Variants in TGS1 observed in about 807,000 individuals in gnomAD.
TGS1 encodes the protein trimethylguanosine synthase.
A neutral mutation model predicts 92.2 loss-of-function variants in TGS1; 69 were observed. The ratio of observed to expected loss-of-function variants is 0.75; its 90% CI spans 0.62 to 0.91. TGS1 has a LOEUF of 0.91. Among genes scored for constraint, TGS1 ranks in the 40% least tolerant of loss-of-function variants. The pLI is 0.00. For missense variants in TGS1, 1,062 were observed against 1,001.2 expected (o/e 1.06, Z -0.82); for synonymous variants, 345 against 338.1 (o/e 1.02, Z -0.22).
intron 9 of TGS1, among the ~76,000 whole-genome samples, chr8:55,804,257 A>G (rs1162239795): frequency 2.0e-5 from 3 of 152,158 alleles, no homozygotes; most frequent in African/African-American, 7.2e-5. Context: ...CCTGGCTAAC[A>G]TGGCAAAACT....
chr8:55,775,809 G>A (rs923106213), intron 1 of TGS1, among the ~76,000 whole-genome samples: 1 of 151,930 alleles, frequency 6.6e-6, no homozygotes, highest in Admixed American at 6.6e-5. Context: ...GGGTGGGGGA[G>A]GGGGACCCAC....
chr8:55,796,847 C>A (rs1454244692), intron 7 of TGS1, among the ~76,000 whole-genome samples: 1 of 150,996 alleles, frequency 6.6e-6, no homozygotes, highest in Non-Finnish European at 1.5e-5. Flanking sequence ...AAAAATTAGC[C>A]AGGCATGATG....
intron 12 of TGS1, among the ~76,000 whole-genome samples, chr8:55,820,057 G>GT (rs1401695052): frequency 1.3e-5 from 2 of 152,106 alleles, no homozygotes; most frequent in Non-Finnish European, 2.9e-5. Flanking sequence ...ACATTTCTGC[G>GT]TATCATAGAT....
intron 12 of TGS1, 57 bp downstream of exon 12, chr8:55,813,175 T>G: frequency 4.1e-6 from 5 of 1,232,624 alleles, no homozygotes; most frequent in Non-Finnish European, 5.9e-6. Flanking sequence ...ACAAGTACGG[T>G]AAAAGATACA....
In TGS1 at chr8:55,786,800, T is replaced by C. The variant is rs767655821; in HGVS notation, c.902T>C (p.Met301Thr). The C allele has an allele frequency of 6.2e-7, 1 of 1,614,184 alleles. No homozygotes were observed. Among genetic ancestry groups the C allele is most frequent in the South Asian group, 1.1e-5 (1 of 91,082 alleles). Residue 301 changes from methionine (M) to threonine (T), a missense_variant, in exon 4 of 13, where the codon ATG becomes ACG. Met to Thr is a moderately conservative substitution (Grantham distance 81). Coordinates refer to ENST00000260129, the MANE Select transcript of TGS1 (RefSeq NM_024831.8). ...GTATCTTTTCCATCTTCACCTATTA[T>C]GGTTGATAATGATAGCTCTGGTACA... ...DLVSFPSSPIMVDNDSSGTSD... is the reference protein window; with the variant it reads ...DLVSFPSSPITVDNDSSGTSD...
At chr8:55,776,128 C>G (rs1327577208) in intron 1 of TGS1, among the ~76,000 whole-genome samples, 1 of 152,022 alleles carries the variant, frequency 6.6e-6, no homozygotes, top group African/African-American at 2.4e-5. Flanking sequence ...CCCGAGCGAG[C>G]AATTCCTGTC....
At chr8:55,798,844 T>G in intron 7 of TGS1, 70 bp from the exon 8 acceptor site, 2 of 1,269,262 alleles carry the variant, frequency 1.6e-6, no homozygotes, top group Non-Finnish European at 2.2e-6. Context: ...AGTCACAAAT[T>G]GTAATAGGTA....
At chr8:55,774,805 A>G (rs1044340392) in intron 1 of TGS1, among the ~76,000 whole-genome samples, 1 of 152,200 alleles carries the variant, frequency 6.6e-6, no homozygotes, top group Non-Finnish European at 1.5e-5. Context: ...TAACTTTCCA[A>G]GGGTCACAGA....
At chr8:55,778,018 T>A (rs1811449341) in intron 1 of TGS1, among the ~76,000 whole-genome samples, 1 of 152,046 alleles carries the variant, frequency 6.6e-6, no homozygotes. Flanking sequence ...ACATCAGTAA[T>A]CCAAGTACTT....
chr8:55,815,764 C>A (rs901526241), intron 12 of TGS1, among the ~76,000 whole-genome samples: 1 of 151,992 alleles, frequency 6.6e-6, no homozygotes, highest in Non-Finnish European at 1.5e-5. Context: ...TTACCTCAAT[C>A]TTCTATTCCT....
intron 11 of TGS1, among the ~76,000 whole-genome samples, chr8:55,811,389 G>A (rs1446070087): frequency 6.6e-6 from 1 of 152,098 alleles, no homozygotes; most frequent in African/African-American, 2.4e-5. Flanking sequence ...TTGAACCCAG[G>A]AGGCAGAGGT....
At position 55,782,150 on chromosome 8, in the gene TGS1, ATTTATTTATTTATTTATTT is replaced by A. The variant is rs1811583734; in HGVS notation, c.102-597_102-579del. On this transcript the variant is annotated intron_variant, in intron 1 of 12. Coordinates refer to ENST00000260129, the MANE Select transcript of TGS1 (RefSeq NM_024831.8). ...AGATGTCCAGAAGAACTTACACTTT[ATTTATTTATTTATTTATTT>A]ATTTATTTATTTATTTATTTATTTA... Among the ~76,000 whole-genome samples the A allele has an allele frequency of 1.2e-3, 176 of 145,944 alleles. 3 individuals carry two copies. In the South Asian group the frequency reaches 0.016, roughly 13 times the overall value.
Position 55,792,738 on chromosome 8 carries a change from G to A in TGS1, c.1321G>A (p.Asp441Asn). 1 of 1,613,910 alleles carries A rather than the reference G, an allele frequency of 6.2e-7. No homozygotes were observed. Among genetic ancestry groups the A allele is most frequent in the Non-Finnish European group, 8.5e-7 (1 of 1,179,874 alleles). ...TGATGAAAACCCAGCTTCAGACTTT[G>A]ATGACAGTGGTTCCCTTCTAGGATT... ...DIDENPASDF[D>N]DSGSLLGFKY... Residue 441 changes from aspartate to asparagine, a missense_variant, in exon 6 of 13, where the codon GAT (aspartate) becomes AAT (asparagine). By Grantham distance (23) the Asp-to-Asn change is conservative. Coordinates refer to ENST00000260129, the MANE Select transcript of TGS1 (RefSeq NM_024831.8).
intron 1 of TGS1, among the ~76,000 whole-genome samples, chr8:55,782,327 G>A (rs538085941): frequency 4.6e-5 from 7 of 152,054 alleles, no homozygotes; most frequent in South Asian, 2.1e-4. Flanking sequence ...GATTGTAGGC[G>A]CCTGCCACCA....
In TGS1 at chr8:55,826,114, T is replaced by C. The variant is rs1233594780; in HGVS notation, c.*1411T>C. 6.6e-6 allele frequency among the ~76,000 whole-genome samples: 1 copy of C among 152,172 alleles called. No homozygotes were observed. Among genetic ancestry groups the C allele is most frequent in the Non-Finnish European group, 1.5e-5 (1 of 68,028 alleles). On this transcript the variant is annotated 3_prime_UTR_variant, in exon 13 of 13. Transcript: ENST00000260129. ...ATCCAACCACCTCAGCCTCCCGTAG[T>C]TCTGGGATTACAGGCGTGAGCCACC...
intron 7 of TGS1, among the ~76,000 whole-genome samples, chr8:55,798,634 A>G (rs1478908186): frequency 2.0e-5 from 3 of 152,220 alleles, no homozygotes; most frequent in African/African-American, 7.2e-5. Context: ...AGCCACTGGG[A>G]CAGTTTGGCT....
chr8:55,814,860 C>T (rs1014930274), intron 12 of TGS1, among the ~76,000 whole-genome samples: 2 of 150,094 alleles, frequency 1.3e-5, no homozygotes, highest in African/African-American at 4.9e-5. Flanking sequence ...GAAAGAAAAA[C>T]GAACCATCTC....
intron 6 of TGS1, 113 bp from the exon 7 acceptor site, chr8:55,795,863 AAG>A: frequency 3.9e-6 from 3 of 777,618 alleles, no homozygotes; most frequent in Non-Finnish European, 6.3e-6. Context: ...TAATTTTAAA[AAG>A]GGAATTAAAA....
intron 8 of TGS1, 32 bp downstream of exon 8, chr8:55,799,252 G>T: frequency 6.5e-7 from 1 of 1,548,758 alleles, no homozygotes. Context: ...CTTGCTAATG[G>T]ATTTAGATAA....
Sources: gnomAD v4.1 joint callset for allele counts (sites outside exome capture counted in the v4.1 genomes callset) on GRCh38, gnomAD v4.1.1 for gene constraint, MANE v1.5 for transcripts, NCBI Gene and HGNC (gene_info 2026-07-23, HGNC 2026-07-21) for gene names.